TAFA5: variants seen among roughly 807,000 people sequenced by gnomAD.
TAFA5 encodes TAFA chemokine like family member 5.
A neutral mutation model predicts 15.3 loss-of-function variants in TAFA5; 6 were observed. That is an observed-to-expected ratio of 0.39 (90% CI 0.21 to 0.77). The LOEUF (loss-of-function observed/expected upper bound fraction) is 0.77. TAFA5 is among the 30% of genes least tolerant of loss of function. The pLI is 0.41. For synonymous variants in TAFA5, 103 were observed against 80.7 expected, an observed-to-expected ratio of 1.28 and a Z score of -1.48; for missense variants, 161 against 193.1, an observed-to-expected ratio of 0.83 and a Z score of 0.98.
At chr22:48,522,889 C>T (rs1569166888) in intron 1 of TAFA5, among the ~76,000 whole-genome samples, 2 of 152,242 alleles carry the variant, frequency 1.3e-5, no homozygotes. Flanking sequence ...GTCTGCTGTC[C>T]ACCACGTCCC....
chr22:48,653,027 G>A (rs527763033), intron 2 of TAFA5, among the ~76,000 whole-genome samples: 3 of 152,356 alleles, frequency 2.0e-5, no homozygotes, highest in East Asian at 3.9e-4. Flanking sequence ...TGCTTGGCAG[G>A]CATTGCCAGC....
chr22:48,672,518 A>G (rs1927833828), intron 2 of TAFA5, among the ~76,000 whole-genome samples: 1 of 152,250 alleles, frequency 6.6e-6, no homozygotes, highest in Non-Finnish European at 1.5e-5. Flanking sequence ...TCCTCAAAGC[A>G]TGATTTGTTG....
intron 2 of TAFA5, among the ~76,000 whole-genome samples, chr22:48,663,769 G>T (rs116703662): frequency 6.6e-6 from 1 of 152,176 alleles, no homozygotes; most frequent in African/African-American, 2.4e-5. Flanking sequence ...GTCCAAGTCA[G>T]CTGCCTATTA....
At chr22:48,575,497 G>C (rs1923740640) in intron 1 of TAFA5, among the ~76,000 whole-genome samples, 1 of 146,084 alleles carries the variant, frequency 6.8e-6, no homozygotes, top group African/African-American at 2.5e-5. Context: ...AGGAGCCGGC[G>C]CCGAGCCGAG....
intron 1 of TAFA5, among the ~76,000 whole-genome samples, chr22:48,524,100 C>T (rs974895087): frequency 6.6e-6 from 1 of 152,222 alleles, no homozygotes; most frequent in South Asian, 2.1e-4. Context: ...TTATTTTAGT[C>T]CATTATGGCT....
At chr22:48,729,515 C>A (rs130203) in intron 3 of TAFA5, among the ~76,000 whole-genome samples, 3 of 147,350 alleles carry the variant, frequency 2.0e-5, no homozygotes, top group Non-Finnish European at 3.0e-5. Flanking sequence ...TAGGCTAAGA[C>A]AGGCTGAAAG....
chr22:48,620,931 TCCCC>T (rs1925798387), intron 1 of TAFA5, among the ~76,000 whole-genome samples: 1 of 3,500 alleles, frequency 2.9e-4, no homozygotes, highest in African/African-American at 5.1e-4. Context: ...TATTCATCCA[TCCCC>T]CCACCCACCC....
chr22:48,663,288 G>A (rs533692651), intron 2 of TAFA5, among the ~76,000 whole-genome samples: 4 of 152,314 alleles, frequency 2.6e-5, no homozygotes, highest in African/African-American at 9.6e-5. Flanking sequence ...AGACCCTGCA[G>A]TTGGGGGCAC....
intron 1 of TAFA5, among the ~76,000 whole-genome samples, chr22:48,631,255 C>T (rs1451771615): frequency 6.6e-6 from 1 of 152,196 alleles, no homozygotes; most frequent in African/African-American, 2.4e-5. Flanking sequence ...TGGGCAACCT[C>T]AGGCTCCCCT....
Position 48,705,088 on chromosome 22 carries a change from C to T in TAFA5, c.263-2629C>T, listed in dbSNP as rs141046890. On this transcript the variant is annotated intron_variant, in intron 2 of 3. Transcript: ENST00000402357. ...CCCCACACTCATGGCCTCATCTAAC[C>T]TTCTTCACCTTCTGAAGGCCCCATC... is the stretch of plus-strand genomic sequence containing the variant. Among the ~76,000 whole-genome samples the T allele has an allele frequency of 3.5e-3, 529 of 152,288 alleles. 3 individuals are homozygous for T. The highest frequency in any genetic ancestry group is 0.01 in the African/African-American group (427 of 41,572).
chr22:48,495,890 G>C (rs1264271413), intron 1 of TAFA5, among the ~76,000 whole-genome samples: 3 of 152,202 alleles, frequency 2.0e-5, no homozygotes, highest in African/African-American at 7.2e-5. Context: ...CCATCCCTCT[G>C]TCCAGCCCTG....
At position 48,521,641 on chromosome 22, in the gene TAFA5, C is replaced by T. The variant is rs562218576; in HGVS notation, c.112+31937C>T. On this transcript the variant is annotated intron_variant, in intron 1 of 3. Coordinates refer to ENST00000402357, the MANE Select transcript of TAFA5 (RefSeq NM_001082967.3). ...CAAATGTGAGTTTCGGGGAGCCATC[C>T]CAGCCAGCCGCACGGGAGACGGAGG... 3.9e-5 allele frequency among the ~76,000 whole-genome samples: 6 copies of T among 152,216 alleles called. No homozygotes were observed. The East Asian group carries it at 9.7e-4, about 25-fold the overall frequency.
chr22:48,671,866 G>A (rs1437309503), intron 2 of TAFA5, among the ~76,000 whole-genome samples: 1 of 152,196 alleles, frequency 6.6e-6, no homozygotes, highest in Non-Finnish European at 1.5e-5. Context: ...GAAGGTGCAT[G>A]TTTCCGAGAC....
chr22:48,631,600 C>T (rs550081765), intron 1 of TAFA5, among the ~76,000 whole-genome samples: 6 of 152,298 alleles, frequency 3.9e-5, no homozygotes, highest in Non-Finnish European at 8.8e-5. Context: ...TGCACAGCCC[C>T]GGCGTCACAC....
At chr22:48,537,373 C>T (rs1292641915) in intron 1 of TAFA5, among the ~76,000 whole-genome samples, 3 of 152,208 alleles carry the variant, frequency 2.0e-5, no homozygotes, top group South Asian at 2.1e-4. Flanking sequence ...GGTGGCGTTC[C>T]CCACTCCTCC....
intron 1 of TAFA5, among the ~76,000 whole-genome samples, chr22:48,584,284 C>CCA (rs377382998): frequency 0.67 from 99,377 of 147,932 alleles, 33,387 homozygotes; most frequent in Admixed American, 0.7. Context: ...CACACACACA[C>CCA]CACACACAGC....
chr22:48,662,191 A>T (rs1927464867), intron 2 of TAFA5, among the ~76,000 whole-genome samples: 1 of 152,268 alleles, frequency 6.6e-6, no homozygotes, highest in Non-Finnish European at 1.5e-5. Flanking sequence ...CTGTGGGGAC[A>T]GCGGGAGGAG....
chr22:48,544,620 G>T, intron 1 of TAFA5: 1 of 453,882 alleles, frequency 2.2e-6, no homozygotes. Flanking sequence ...CTGGCTAGGT[G>T]CCTTGCATTT....
rs550219118 is a variant in TAFA5 at position 48,503,012 on chromosome 22, G to A, written c.112+13308G>A. On this transcript the variant is annotated intron_variant, in intron 1 of 3. Coordinates refer to ENST00000402357, the MANE Select transcript of TAFA5 (RefSeq NM_001082967.3). ...GGCTCCTGCCCTGCAGAGGTGGAAG[G>A]ATGTGGGTCCCAGATCCACGCGGGA... is the stretch of plus-strand genomic sequence containing the variant. 4.6e-5 allele frequency among the ~76,000 whole-genome samples: 7 copies of A among 152,258 alleles called. No individual in the cohort carries two copies. In the South Asian group the frequency reaches 1.2e-3, roughly 27 times the overall value.
Sources: allele counts gnomAD v4.1 joint callset (sites outside exome capture counted in the v4.1 genomes callset), GRCh38; gene constraint gnomAD v4.1.1; transcripts MANE v1.5; gene names NCBI Gene and HGNC (gene_info 2026-07-23, HGNC 2026-07-21).